MBD3: variants seen among roughly 807,000 people sequenced by gnomAD.
MBD3 encodes the protein methyl-CpG-binding domain protein 3.
A neutral mutation model predicts 31.2 loss-of-function variants in MBD3; 13 were observed. That is an observed-to-expected ratio of 0.42 (90% CI 0.27 to 0.66). The LOEUF is 0.66. MBD3 is among the 30% of genes least tolerant of loss of function. The pLI, the probability that MBD3 is intolerant of heterozygous loss-of-function variation, is 0.26. For synonymous variants in MBD3, 223 were observed against 187.4 expected (o/e 1.19, Z -1.55); for missense variants, 440 against 426.5 (o/e 1.03, Z -0.28).
intron 4 of MBD3, among the ~76,000 whole-genome samples, chr19:1,582,095 TCTCA>T (rs2060655066): frequency 6.6e-6 from 1 of 151,966 alleles, no homozygotes; most frequent in Non-Finnish European, 1.5e-5. Flanking sequence ...AGAGATGGGG[TCTCA>T]CTATGTTGTC....
chr19:1,587,589 A>T (rs1028538128), intron 1 of MBD3, among the ~76,000 whole-genome samples: 6 of 151,718 alleles, frequency 4.0e-5, no homozygotes, highest in African/African-American at 1.5e-4. Flanking sequence ...TAATTTTTAA[A>T]TTTTTTGCAT....
At chr19:1,579,506 C>T (rs916138817) in intron 5 of MBD3, among the ~76,000 whole-genome samples, 10 of 152,108 alleles carry the variant, frequency 6.6e-5, no homozygotes, top group Non-Finnish European at 1.2e-4. Flanking sequence ...CCAAAGAGCC[C>T]GTCTCTGTTC....
chr19:1,578,471 C>A lies in MBD3; in HGVS notation c.745G>T (p.Ala249Ser), dbSNP rs760189739. 3.7e-6 allele frequency: 6 copies of A among 1,610,332 alleles called. No individual in the cohort carries two copies. The East Asian group carries it at 1.3e-4, about 36-fold the overall frequency. Residue 249 changes from alanine (A) to serine (S), a missense_variant, in exon 6 of 7, where the codon GCG becomes TCG. Ala to Ser is a moderately conservative substitution (Grantham distance 99, BLOSUM62 1). Coordinates refer to ENST00000434436, the MANE Select transcript of MBD3 (RefSeq NM_001281453.2). This position sits in a 1 kb window ranked among gnomAD's most constrained non-coding sequence, Gnocchi z 6.1. The part of the protein sequence containing the change: ...LEEALMADML[A>S]HVEELARDGE... ...TCACGGGCCAGCTCCTCCACGTGCG[C>A]CAGCATGTCGGCCATCAGCGCCTCC...
At chr19:1,588,531 C>T (rs146666539) in intron 1 of MBD3, among the ~76,000 whole-genome samples, 1 of 152,128 alleles carries the variant, frequency 6.6e-6, no homozygotes, top group Non-Finnish European at 1.5e-5. Flanking sequence ...CCTGTAATCA[C>T]AGCACTTTGG....
In MBD3 at chr19:1,578,241, G is replaced by C; in HGVS notation, c.*6-83C>G. On this transcript the variant is annotated intron_variant, in intron 6 of 6. Transcript: ENST00000434436. The surrounding 1 kb of genome is among the most constrained non-coding windows in gnomAD (Gnocchi z 6.1). Reference sequence around the variant, plus strand: ...TCTTCTAGGGAGATGGGAAGCTCTTGGGAGGCACCCGTCATCCCAAGCACA... The same window carrying C: ...TCTTCTAGGGAGATGGGAAGCTCTTCGGAGGCACCCGTCATCCCAAGCACA... The C allele has an allele frequency of 5.1e-6, 8 of 1,566,516 alleles. No individual in the cohort carries two copies. In the South Asian group the frequency reaches 9.0e-5, roughly 18 times the overall value.
intron 4 of MBD3, among the ~76,000 whole-genome samples, chr19:1,582,082 T>C (rs2060655001): frequency 6.6e-6 from 1 of 152,136 alleles, no homozygotes; most frequent in African/African-American, 2.4e-5. Flanking sequence ...CTGTATTTTC[T>C]GTAGAGATGG....
In MBD3 at chr19:1,585,312, G is replaced by T; in HGVS notation, c.111-98C>A. The T allele has an allele frequency of 7.2e-7, 1 of 1,384,838 alleles. No individual in the cohort carries two copies. The highest frequency in any genetic ancestry group is 9.8e-7 in the Non-Finnish European group (1 of 1,023,288). The allele number at this position is 1,384,838 out of a possible 1,614,324, so 85.8% of individuals were successfully genotyped here. On this transcript the variant is annotated intron_variant, in intron 1 of 6. Coordinates refer to ENST00000434436, the MANE Select transcript of MBD3 (RefSeq NM_001281453.2). This position sits in a 1 kb window ranked among gnomAD's most constrained non-coding sequence, Gnocchi z 4.1. ...AAACCCAGTCCCAGCCCCAGCTTCAGGTCGCGACCCCAGCCCCAGACCCCA... is the reference window on the plus strand; with the variant it reads ...AAACCCAGTCCCAGCCCCAGCTTCATGTCGCGACCCCAGCCCCAGACCCCA...
At position 1,592,527 on chromosome 19, in the gene MBD3, G is replaced by A. The variant is rs1452621028; in HGVS notation, c.105C>T (p.Tyr35=). 3 of 1,426,222 alleles carry A rather than the reference G, an allele frequency of 2.1e-6. 1 individual carries two copies. The South Asian group carries it at 3.6e-5, about 17-fold the overall frequency. The allele number at this position is 1,426,222 out of a possible 1,614,324, so 88.3% of individuals were successfully genotyped here. ...GLSAGHRDVF[Y]YSPSGKKFRS... The stretch of plus-strand genomic sequence containing the variant: ...CGGCCGGCGCGCTCATTCACCTATA[G>A]TAAAAGACATCCCTGTGGCCGGCCG... The change falls in exon 1 of 7, where the codon TAC becomes TAT. Residue 35 remains tyrosine, a synonymous_variant. Transcript: ENST00000434436.
chr19:1,592,460 C>T (rs1453196891), intron 1 of MBD3, 62 bp downstream of exon 1: 12 of 890,596 alleles, frequency 1.3e-5, no homozygotes, highest in Non-Finnish European at 1.7e-5. Flanking sequence ...GGCGCCGAGG[C>T]CGCCGCAGAG....
Position 1,578,676 on chromosome 19 carries a change from T to G in MBD3, c.678-138A>C. On this transcript the variant is annotated intron_variant, in intron 5 of 6. Coordinates refer to ENST00000434436, the MANE Select transcript of MBD3 (RefSeq NM_001281453.2). The surrounding 1 kb of genome is among the most constrained non-coding windows in gnomAD (Gnocchi z 6.1). ...CCCCCCCAGGACCAGCCCTGGCCCG[T>G]GCCACCCCTCCCTTCACAATCCACG... 1 of 1,538,672 alleles carries G rather than the reference T, an allele frequency of 6.5e-7. No individual in the cohort carries two copies. The highest frequency in any genetic ancestry group is 8.9e-7 in the Non-Finnish European group (1 of 1,129,934).
At chr19:1,591,467 C>G (rs2145612749) in intron 1 of MBD3, among the ~76,000 whole-genome samples, 1 of 152,314 alleles carries the variant, frequency 6.6e-6, no homozygotes, top group African/African-American at 2.4e-5. Flanking sequence ...TCTGCCCCTC[C>G]TTGGCTCGTG....
Position 1,587,416 on chromosome 19 carries a change from T to TC in MBD3, c.111-2203_111-2202insG, listed in dbSNP as rs576641638. ...GCCCTGCTGCTTCATTTCTTTTTTT[T>TC]TTCATTTTTACTTTTAGATCCAGGG... On this transcript the variant is annotated intron_variant, in intron 1 of 6. Coordinates refer to ENST00000434436, the MANE Select transcript of MBD3 (RefSeq NM_001281453.2). Among the ~76,000 whole-genome samples the TC allele has an allele frequency of 1.4e-3, 220 of 151,974 alleles. 1 individual carries two copies. The highest frequency in any genetic ancestry group is 5.1e-3 in the African/African-American group (212 of 41,412).
chr19:1,583,707 A>T (rs2060664131), intron 3 of MBD3, among the ~76,000 whole-genome samples: 1 of 152,156 alleles, frequency 6.6e-6, no homozygotes, highest in South Asian at 2.1e-4. Flanking sequence ...TGAAAAACTT[A>T]AAAAAATGAA....
intron 4 of MBD3, 85 bp downstream of exon 4, chr19:1,582,537 A>G (rs1599342622): frequency 7.7e-7 from 1 of 1,297,776 alleles, no homozygotes; most frequent in African/African-American, 1.5e-5. Flanking sequence ...ACAGCCATCC[A>G]CCCTGCCAGG....
intron 5 of MBD3, among the ~76,000 whole-genome samples, chr19:1,580,840 C>G (rs1259376299): frequency 1.3e-5 from 2 of 152,232 alleles, no homozygotes; most frequent in Non-Finnish European, 2.9e-5. Context: ...AGCCAGTCCT[C>G]ACGGACTCAA....
intron 1 of MBD3, among the ~76,000 whole-genome samples, chr19:1,589,653 AAAAT>A (rs1243741398): frequency 6.6e-6 from 1 of 152,142 alleles, no homozygotes; most frequent in South Asian, 2.1e-4. Context: ...ACTACTTCTC[AAAAT>A]AAATAAATAA....
At chr19:1,588,517 C>G (rs1394875541) in intron 1 of MBD3, among the ~76,000 whole-genome samples, 1 of 152,116 alleles carries the variant, frequency 6.6e-6, no homozygotes, top group Admixed American at 6.6e-5. Flanking sequence ...CGCGGTGGCT[C>G]ACGCCTGTAA....
chr19:1,590,520 A>G (rs927246867), intron 1 of MBD3, among the ~76,000 whole-genome samples: 1 of 152,132 alleles, frequency 6.6e-6, no homozygotes, highest in Admixed American at 6.5e-5. Flanking sequence ...TGGGAGGCTG[A>G]GCTGAGAGGG....
intron 1 of MBD3, chr19:1,586,451 C>G (rs772958017): frequency 6.6e-6 from 1 of 152,348 alleles, no homozygotes; most frequent in Non-Finnish European, 1.5e-5. Context: ...GAAGGGGACG[C>G]GTAGTGCCAG....
Sources: gnomAD v4.1 joint callset for allele counts (sites outside exome capture counted in the v4.1 genomes callset) on GRCh38, gnomAD v4.1.1 for gene constraint, Gnocchi (gnomAD v3.1) non-coding constraint, MANE v1.5 for transcripts, NCBI Gene and HGNC (gene_info 2026-07-23, HGNC 2026-07-21) for gene names.